Variants in ETV6 observed in about 807,000 individuals in gnomAD.
ETV6 encodes transcription factor ETV6.
ETV6 carries 16 observed loss-of-function variants against 51.1 expected under a neutral mutation model. That is an observed-to-expected ratio of 0.31 (90% confidence interval 0.21 to 0.48). ETV6 has a LOEUF of 0.48. ETV6 is among the 20% of genes least tolerant of loss of function. The pLI is 0.99. For synonymous variants in ETV6, 240 were observed against 224.1 expected (o/e 1.07, Z -0.64); for missense variants, 458 against 594.8 (o/e 0.77, Z 2.39).
chr12:11,881,625 G>T (rs905445419), intron 5 of ETV6, among the ~76,000 whole-genome samples: 5 of 152,204 alleles, frequency 3.3e-5, no homozygotes, highest in South Asian at 2.1e-4. Flanking sequence ...CACTCACAGG[G>T]GTGGGGCCCC....
rs139628798 is a variant in ETV6 at position 11,724,839 on chromosome 12, A to T, written c.34-27611A>T. Among the ~76,000 whole-genome samples, 49 of 152,292 alleles carry T rather than the reference A, an allele frequency of 3.2e-4. No individual in the cohort carries two copies. The East Asian group carries it at 8.5e-3, about 26-fold the overall frequency. ...TTGCAGGTTTCCCAAATCTATTTGGACTGGGTGTCCTGTATTAACATGAAA... is the reference window on the plus strand; with the variant it reads ...TTGCAGGTTTCCCAAATCTATTTGGTCTGGGTGTCCTGTATTAACATGAAA... On this transcript the variant is annotated intron_variant, in intron 1 of 7. Coordinates refer to ENST00000396373, the MANE Select transcript of ETV6 (RefSeq NM_001987.5).
At chr12:11,835,062 C>T (rs1462292461) in intron 2 of ETV6, among the ~76,000 whole-genome samples, 3 of 152,112 alleles carry the variant, frequency 2.0e-5, no homozygotes, top group African/African-American at 7.2e-5. Flanking sequence ...ATGTGGCTGC[C>T]CATTAAAGCA....
chr12:11,782,822 CAATTA>C (rs1945431338), intron 2 of ETV6, among the ~76,000 whole-genome samples: 1 of 152,110 alleles, frequency 6.6e-6, no homozygotes, highest in Non-Finnish European at 1.5e-5. Context: ...AGAAGAAATG[CAATTA>C]AATTGTTTCC....
chr12:11,729,890 C>A (rs1392712150), intron 1 of ETV6, among the ~76,000 whole-genome samples: 1 of 152,182 alleles, frequency 6.6e-6, no homozygotes, highest in African/African-American at 2.4e-5. Context: ...AGCAGGTAGA[C>A]CAGCTGTCCT....
intron 4 of ETV6, 60 bp downstream of exon 4, chr12:11,853,621 T>C: frequency 1.3e-6 from 2 of 1,582,898 alleles, no homozygotes; most frequent in Admixed American, 3.5e-5. Flanking sequence ...GAAGTTTAAT[T>C]GTTAACTTGA....
At position 11,853,516 on chromosome 12, in the gene ETV6, A is replaced by G. The variant is rs1302843261; in HGVS notation, c.418A>G (p.Ile140Val). The G allele has an allele frequency of 1.2e-6, 2 of 1,614,218 alleles. No individual in the cohort carries two copies. The highest frequency in any genetic ancestry group is 2.2e-5 in the East Asian group (1 of 44,892). ...ACCATTCTTCCACCCTGGAAACTCT[A>G]TACACACACAGCCGGAGGTCATACT... is the stretch of plus-strand genomic sequence containing the variant. ...FSPFFHPGNS[I>V]HTQPEVILHQ... The change falls in exon 4 of 8, where the codon ATA (isoleucine) becomes GTA (valine). Residue 140 changes from isoleucine (I) to valine (V), a missense_variant. This residue lies in a region of ETV6 where 293 missense variants were observed against 315.7 expected (regional missense o/e 0.93). Transcript: ENST00000396373.
intron 1 of ETV6, among the ~76,000 whole-genome samples, chr12:11,707,401 T>A (rs1311242546): frequency 1.3e-5 from 2 of 152,246 alleles, no homozygotes; most frequent in Non-Finnish European, 2.9e-5. Context: ...CTACCTGAGC[T>A]GGATGTAGAT....
intron 1 of ETV6, among the ~76,000 whole-genome samples, chr12:11,670,001 A>C (rs1591597795): frequency 6.6e-6 from 1 of 150,694 alleles, no homozygotes; most frequent in East Asian, 1.9e-4. Flanking sequence ...ATTCTACCCC[A>C]ATCACATTCC....
intron 1 of ETV6, among the ~76,000 whole-genome samples, chr12:11,747,607 A>G (rs1865931322): frequency 6.6e-6 from 1 of 152,212 alleles, no homozygotes; most frequent in Non-Finnish European, 1.5e-5. Context: ...TGGCATTTGC[A>G]TCTTCTCTCA....
In ETV6 at chr12:11,650,036, C is replaced by A; in HGVS notation, c.-92C>A. 1 of 1,144,614 alleles carries A rather than the reference C, an allele frequency of 8.7e-7. No homozygotes were observed. Among genetic ancestry groups the A allele is most frequent in the Non-Finnish European group, 1.3e-6 (1 of 755,616 alleles). The allele number at this position is 1,144,614 out of a possible 1,614,324, so 70.9% of individuals were successfully genotyped here. A position where few individuals can be genotyped will look rare whatever the true frequency, so the allele number is the denominator to read the frequency against. ...CTGGAAGAAACTTCTTAAATGACCG[C>A]GTCTGGCTGGCCGTGGAGCCTTTCT... is the stretch of plus-strand genomic sequence containing the variant. On this transcript the variant is annotated 5_prime_UTR_variant, in exon 1 of 8. Coordinates refer to ENST00000396373, the MANE Select transcript of ETV6 (RefSeq NM_001987.5).
chr12:11,893,841 T>TATATACACAC lies in ETV6; in HGVS notation c.*2796_*2797insTATACACACA, dbSNP rs1491290450. 3 of 57,320 alleles carry TATATACACAC rather than the reference T, an allele frequency of 5.2e-5. No homozygotes were observed. Among genetic ancestry groups the TATATACACAC allele is most frequent in the African/African-American group, 1.9e-4 (3 of 15,696 alleles). The allele number at this position is 57,320 out of a possible 1,614,324, so 3.6% of individuals were successfully genotyped here. On this transcript the variant is annotated 3_prime_UTR_variant, in exon 8 of 8. Coordinates refer to ENST00000396373, the MANE Select transcript of ETV6 (RefSeq NM_001987.5). The stretch of plus-strand genomic sequence containing the variant: ...ATATATATATATATATATATATATA[T>TATATACACAC]ACACACACACACACATACACAAATA...
chr12:11,703,479 A>T (rs1865020143), intron 1 of ETV6, among the ~76,000 whole-genome samples: 1 of 152,226 alleles, frequency 6.6e-6, no homozygotes, highest in South Asian at 2.1e-4. Flanking sequence ...CAATATTAAA[A>T]AAAAAAACAG....
intron 2 of ETV6, among the ~76,000 whole-genome samples, chr12:11,830,667 G>T (rs1214590960): frequency 1.3e-5 from 2 of 152,170 alleles, no homozygotes; most frequent in Non-Finnish European, 2.9e-5. Context: ...GGAAATCTTT[G>T]GCTGTACAGT....
rs531686554 is a variant in ETV6, at chr12:11,729,206, C to T, written c.34-23244C>T. ...GGTAAGATCTGCTGAAGGAAGGAAC[C>T]GTTGCCAACTGGCCAGGTGTGCCAG... On this transcript the variant is annotated intron_variant, in intron 1 of 7. Coordinates refer to ENST00000396373, the MANE Select transcript of ETV6 (RefSeq NM_001987.5). Among the ~76,000 whole-genome samples the T allele has an allele frequency of 2.6e-5, 4 of 152,200 alleles. No individual in the cohort carries two copies. The South Asian group carries it at 6.2e-4, about 24-fold the overall frequency.
In ETV6 at chr12:11,675,620, T is replaced by A. The variant is rs190986225; in HGVS notation, c.33+25460T>A. Among the ~76,000 whole-genome samples the A allele has an allele frequency of 5.7e-4, 87 of 152,288 alleles. No homozygotes were observed. The East Asian group carries it at 0.013, about 23-fold the overall frequency. On this transcript the variant is annotated intron_variant, in intron 1 of 7. Coordinates refer to ENST00000396373, the MANE Select transcript of ETV6 (RefSeq NM_001987.5). ...TGAAGCCAGGAGTTCTAGACTATCC[T>A]GAGCAACAAAGTGAGACCCTGTCTC...
chr12:11,782,673 C>G (rs1485635088), intron 2 of ETV6, among the ~76,000 whole-genome samples: 4 of 152,138 alleles, frequency 2.6e-5, no homozygotes, highest in African/African-American at 7.2e-5. Flanking sequence ...AAGGTATTGA[C>G]TACAGAGTGA....
intron 1 of ETV6, among the ~76,000 whole-genome samples, chr12:11,696,555 A>T (rs1864882329): frequency 6.6e-6 from 1 of 152,244 alleles, no homozygotes; most frequent in African/African-American, 2.4e-5. Flanking sequence ...GCAGTGGCTC[A>T]CACCTGTAAT....
intron 2 of ETV6, among the ~76,000 whole-genome samples, chr12:11,806,670 A>G (rs551450383): frequency 1.4e-3 from 213 of 152,366 alleles, no homozygotes; most frequent in African/African-American, 5.0e-3. Flanking sequence ...GCTCGTCCTC[A>G]AGGAACTTTC....
At chr12:11,866,900 T>C (rs1017836198) in intron 4 of ETV6, among the ~76,000 whole-genome samples, 1 of 152,244 alleles carries the variant, frequency 6.6e-6, no homozygotes, top group Non-Finnish European at 1.5e-5. Flanking sequence ...CTGTATGGGA[T>C]TTGTTTCTTC....
Sources: gnomAD v4.1 joint callset for allele counts (sites outside exome capture counted in the v4.1 genomes callset) on GRCh38, gnomAD v4.1.1 for gene constraint, gnomAD v4.1.1 regional missense constraint, MANE v1.5 for transcripts, NCBI Gene and HGNC (gene_info 2026-07-23, HGNC 2026-07-21) for gene names.